The following ARHGAP12 variants were observed in gnomAD, a reference collection of about 807,000 sequenced individuals.
ARHGAP12 encodes the protein rho GTPase-activating protein 12.
Under a neutral mutation model 108.6 loss-of-function variants are expected in ARHGAP12, and 64 were observed. The observed-to-expected ratio is 0.59, with a 90% CI of 0.48 to 0.73. ARHGAP12 has a LOEUF of 0.73. ARHGAP12 is among the 30% of genes least tolerant of loss of function. The pLI is 0.00. For missense variants in ARHGAP12, 940 were observed against 1,005.9 expected (o/e 0.93, Z 0.89); for synonymous variants, 312 against 337.2 (o/e 0.93, Z 0.82).
intron 3 of ARHGAP12, among the ~76,000 whole-genome samples, chr10:31,899,919 T>TA (rs1446643778): frequency 5.3e-5 from 8 of 152,250 alleles, no homozygotes; most frequent in African/African-American, 1.7e-4. Context: ...AAGTCACTGT[T>TA]AAGAGAATGA....
intron 11 of ARHGAP12, among the ~76,000 whole-genome samples, chr10:31,822,342 G>C (rs1271056248): frequency 6.6e-6 from 1 of 152,212 alleles, no homozygotes; most frequent in Non-Finnish European, 1.5e-5. Context: ...AGAGCTCAGA[G>C]ACTGAGCCTT....
At chr10:31,901,828 T>C (rs934730210) in intron 3 of ARHGAP12, among the ~76,000 whole-genome samples, 1 of 152,148 alleles carries the variant, frequency 6.6e-6, no homozygotes, top group Non-Finnish European at 1.5e-5. Context: ...GTCACATCAC[T>C]CCTATCTTGA....
At chr10:31,846,616 A>C (rs1045737032) in intron 6 of ARHGAP12, among the ~76,000 whole-genome samples, 1 of 152,104 alleles carries the variant, frequency 6.6e-6, no homozygotes, top group East Asian at 1.9e-4. Flanking sequence ...GTGTTGTTTC[A>C]CTGAAGGGCT....
At chr10:31,860,667 C>T (rs536957979) in intron 4 of ARHGAP12, among the ~76,000 whole-genome samples, 5 of 152,204 alleles carry the variant, frequency 3.3e-5, no homozygotes, top group South Asian at 2.1e-4. Context: ...GGTCTTGTAC[C>T]GCTGACTGAC....
At chr10:31,872,914 C>T (rs1837595598) in intron 3 of ARHGAP12, among the ~76,000 whole-genome samples, 1 of 152,164 alleles carries the variant, frequency 6.6e-6, no homozygotes, top group Non-Finnish European at 1.5e-5. Context: ...ACCTTCAAAT[C>T]TTTACTTTAT....
intron 1 of ARHGAP12, among the ~76,000 whole-genome samples, chr10:31,924,354 C>G (rs1407961545): frequency 6.6e-6 from 1 of 152,108 alleles, no homozygotes; most frequent in Non-Finnish European, 1.5e-5. Flanking sequence ...GTACAAACCT[C>G]AAAAGATCCT....
rs1053589521 is a variant in ARHGAP12, at chr10:31,829,602, T to C, written c.1448+2137A>G. On this transcript the variant is annotated intron_variant, in intron 10 of 19. Coordinates refer to ENST00000344936, the MANE Select transcript of ARHGAP12 (RefSeq NM_018287.7). Reference sequence around the variant, plus strand: ...TTCTGACAGTACTGATGTATGATTCTTTGATATTATAAATAAAATGTGTAA... The same window carrying C: ...TTCTGACAGTACTGATGTATGATTCCTTGATATTATAAATAAAATGTGTAA... Among the ~76,000 whole-genome samples, 5 of 150,554 alleles carry C rather than the reference T, an allele frequency of 3.3e-5. No homozygotes were observed. The East Asian group carries it at 9.6e-4, about 29-fold the overall frequency.
chr10:31,886,180 A>T (rs775351723), intron 3 of ARHGAP12, among the ~76,000 whole-genome samples: 6 of 152,232 alleles, frequency 3.9e-5, no homozygotes, highest in Admixed American at 2.0e-4. Flanking sequence ...AAAATTTTCC[A>T]CATCTGTTGT....
Position 31,838,355 on chromosome 10 carries a change from G to A in ARHGAP12, c.1386+950C>T, listed in dbSNP as rs558915821. On this transcript the variant is annotated intron_variant, in intron 9 of 19. Transcript: ENST00000344936. ...CAGGAGCCAGAGCATGCACAGCCTT[G>A]TCATGCTCATTAAGAATTTTAGGGC... 3.9e-5 allele frequency among the ~76,000 whole-genome samples: 6 copies of A among 152,252 alleles called. No individual in the cohort carries two copies. The South Asian group carries it at 1.2e-3, about 32-fold the overall frequency.
chr10:31,912,169 T>C (rs1264810592), intron 1 of ARHGAP12, among the ~76,000 whole-genome samples: 1 of 152,242 alleles, frequency 6.6e-6, no homozygotes, highest in East Asian at 1.9e-4. Context: ...TTCAAAATTT[T>C]ACCCTGAAAT....
At chr10:31,873,333 T>C (rs760338567) in intron 3 of ARHGAP12, among the ~76,000 whole-genome samples, 15 of 152,354 alleles carry the variant, frequency 9.8e-5, no homozygotes, top group Non-Finnish European at 1.6e-4. Context: ...TTTCTTAAAA[T>C]GTACAGTTGA....
intron 6 of ARHGAP12, among the ~76,000 whole-genome samples, chr10:31,849,435 A>G (rs1462258060): frequency 6.6e-6 from 1 of 152,244 alleles, no homozygotes; most frequent in African/African-American, 2.4e-5. Context: ...AACATATTAC[A>G]TAATACTGAA....
intron 3 of ARHGAP12, among the ~76,000 whole-genome samples, chr10:31,871,641 T>C (rs1837546438): frequency 6.6e-6 from 1 of 152,192 alleles, no homozygotes; most frequent in Admixed American, 6.5e-5. Flanking sequence ...TACACAAACA[T>C]ACTGATGAAG....
At chr10:31,811,617 C>T (rs1488966811) in intron 15 of ARHGAP12, among the ~76,000 whole-genome samples, 1 of 150,452 alleles carries the variant, frequency 6.6e-6, no homozygotes, top group Non-Finnish European at 1.5e-5. Context: ...TGGAGAGTAC[C>T]TAATTTGAAT....
intron 11 of ARHGAP12, among the ~76,000 whole-genome samples, chr10:31,823,495 T>C (rs1369702553): frequency 6.6e-6 from 1 of 150,804 alleles, no homozygotes. Context: ...AAAAAATCAA[T>C]ACGAACCATG....
chr10:31,874,374 C>T (rs1837648940), intron 3 of ARHGAP12, among the ~76,000 whole-genome samples: 2 of 152,122 alleles, frequency 1.3e-5, no homozygotes, highest in Admixed American at 1.3e-4. Context: ...AACACAACTA[C>T]ATAAATGGGT....
chr10:31,923,993 G>A (rs1455018564), intron 1 of ARHGAP12, among the ~76,000 whole-genome samples: 1 of 152,076 alleles, frequency 6.6e-6, no homozygotes, highest in Non-Finnish European at 1.5e-5. Context: ...CCCTAATGAT[G>A]CAAATTAAAA....
chr10:31,880,096 G>A (rs1252217946), intron 3 of ARHGAP12, among the ~76,000 whole-genome samples: 1 of 152,094 alleles, frequency 6.6e-6, no homozygotes, highest in East Asian at 1.9e-4. Flanking sequence ...ACGATACAAG[G>A]TACATAGCTG....
At chr10:31,900,296 G>GA (rs1838865858) in intron 3 of ARHGAP12, among the ~76,000 whole-genome samples, 1 of 152,206 alleles carries the variant, frequency 6.6e-6, no homozygotes, top group South Asian at 2.1e-4. Context: ...AAGACAGTTT[G>GA]ACAGTTTCTT....
Sources: gnomAD v4.1 joint callset for allele counts (sites outside exome capture counted in the v4.1 genomes callset) on GRCh38, gnomAD v4.1.1 for gene constraint, MANE v1.5 for transcripts, NCBI Gene and HGNC (gene_info 2026-07-23, HGNC 2026-07-21) for gene names.